The following SLC12A1 variants were observed in gnomAD, a reference collection of about 807,000 sequenced individuals.
SLC12A1 encodes Na-K-2Cl cotransporter.
Under a neutral mutation model 130.4 loss-of-function variants are expected in SLC12A1, and 89 were observed. The ratio of observed to expected loss-of-function variants is 0.68; its 90% confidence interval spans 0.58 to 0.81. The LOEUF is 0.81. Among genes scored for constraint, SLC12A1 ranks in the 40% least tolerant of loss-of-function variants. The pLI, the probability that SLC12A1 is intolerant of heterozygous loss-of-function variation, is 0.00. For synonymous variants in SLC12A1, 499 were observed against 460.0 expected (o/e 1.08, Z -1.09); for missense variants, 1,310 against 1,336.4 (o/e 0.98, Z 0.31).
intron 26 of SLC12A1, among the ~76,000 whole-genome samples, chr15:48,302,014 C>G (rs1007355208): frequency 1.3e-5 from 2 of 152,086 alleles, no homozygotes; most frequent in Admixed American, 1.3e-4. Flanking sequence ...GTAGACTGGA[C>G]AACTATCCAT....
At chr15:48,301,576 C>A (rs551767293) in intron 26 of SLC12A1, among the ~76,000 whole-genome samples, 194 bp downstream of exon 26, 2 of 151,684 alleles carry the variant, frequency 1.3e-5, no homozygotes, top group Non-Finnish European at 2.9e-5. Context: ...ACCCCTCAGG[C>A]CCATGAGCAT....
In SLC12A1 at chr15:48,288,061, G is replaced by T; in HGVS notation, c.2648G>T (p.Ser883Ile). 2.5e-6 allele frequency: 4 copies of T among 1,611,016 alleles called. No individual in the cohort carries two copies. The highest frequency in any genetic ancestry group is 3.4e-6 in the Non-Finnish European group (4 of 1,178,666). Reference protein sequence around the residue: ...TPKKDGSINTSQSMHVGEFNQ... With the variant: ...TPKKDGSINTIQSMHVGEFNQ... ...GTTTCAGATGGCAGCATTAACACAA[G>T]CCAGTCGATGCATGTGGGAGAGTTC... The change falls in exon 22 of 27, where the codon AGC becomes ATC. Residue 883 changes from serine (S) to isoleucine (I), a missense_variant. Physicochemically the swap from Ser to Ile is moderately radical, Grantham distance 142. Coordinates refer to ENST00000380993, the MANE Select transcript of SLC12A1 (RefSeq NM_000338.3).
At position 48,259,305 on chromosome 15, in the gene SLC12A1, C is replaced by G. The variant is rs1597435630; in HGVS notation, c.2148C>G (p.Val716=). 6.2e-7 allele frequency: 1 copy of G among 1,608,194 alleles called. No individual in the cohort carries two copies. Among genetic ancestry groups the G allele is most frequent in the Non-Finnish European group, 8.5e-7 (1 of 1,174,618 alleles). ...GTGGCCTTTGCATCTGCTGTGAAGT[C>G]TTTGTGGTAAGAGCCACTTCACCCC... ...KNSGLCICCE[V]FVGPRKLCVK... The change falls in exon 17 of 27, where the codon GTC becomes GTG. Residue 716 remains valine (V), a synonymous_variant. Transcript: ENST00000380993.
chr15:48,297,007 A>G (rs1332760214), intron 24 of SLC12A1, among the ~76,000 whole-genome samples: 1 of 152,232 alleles, frequency 6.6e-6, no homozygotes, highest in African/African-American at 2.4e-5. Flanking sequence ...ACAGTGATTT[A>G]GACAATAGGA....
At chr15:48,222,017 T>G (rs888013197) in intron 4 of SLC12A1, among the ~76,000 whole-genome samples, 13 of 152,180 alleles carry the variant, frequency 8.5e-5, no homozygotes. Flanking sequence ...GTTCCCATAG[T>G]TTTTCCATGT....
intron 16 of SLC12A1, among the ~76,000 whole-genome samples, chr15:48,258,528 A>T (rs1364037379): frequency 6.6e-6 from 1 of 152,154 alleles, no homozygotes; most frequent in Non-Finnish European, 1.5e-5. Flanking sequence ...ACTTTTACGC[A>T]TCTTCCTTTC....
rs1340041894 is a variant in SLC12A1, at chr15:48,249,733, A to T, written c.1786+57A>T. ...AGCAAACAGTTAGTTTGTCTCAATA[A>T]AACGAAATAAATCAGTGAAAAGTGT... is the stretch of plus-strand genomic sequence containing the variant. On this transcript the variant is annotated intron_variant, in intron 14 of 26. Coordinates refer to ENST00000380993, the MANE Select transcript of SLC12A1 (RefSeq NM_000338.3). 9.0e-6 allele frequency: 11 copies of T among 1,228,360 alleles called. No individual in the cohort carries two copies. The African/African-American group carries it at 1.3e-4, about 15-fold the overall frequency. 76.1% of individuals were successfully genotyped at this position (1,228,360 alleles called of 1,614,324 possible). A position where few individuals can be genotyped will look rare whatever the true frequency, so the allele number is the denominator to read the frequency against.
intron 11 of SLC12A1, among the ~76,000 whole-genome samples, chr15:48,245,480 C>T (rs2041566845): frequency 6.6e-6 from 1 of 152,154 alleles, no homozygotes; most frequent in Non-Finnish European, 1.5e-5. Flanking sequence ...TTCATGAGTA[C>T]TCAATGTTTA....
In SLC12A1 at chr15:48,220,706, G is replaced by A; in HGVS notation, c.493G>A (p.Glu165Lys). Reference sequence around the variant, plus strand: ...TGGGATACCTGGAGATGAACAAGCTGAAAATAAGGAAGATGATCAAGCTGG... The same window carrying A: ...TGGGATACCTGGAGATGAACAAGCTAAAAATAAGGAAGATGATCAAGCTGG... Reference protein sequence around the residue: ...GDGIPGDEQAENKEDDQAGVV... With the variant: ...GDGIPGDEQAKNKEDDQAGVV... Residue 165 changes from glutamate to lysine, a missense_variant, in exon 3 of 27, where the codon GAA (glutamate) becomes AAA (lysine). Physicochemically the swap from Glu to Lys is moderately conservative, Grantham distance 56. Coordinates refer to ENST00000380993, the MANE Select transcript of SLC12A1 (RefSeq NM_000338.3). 1 of 1,613,870 alleles carries A rather than the reference G, an allele frequency of 6.2e-7. No individual in the cohort carries two copies. The highest frequency in any genetic ancestry group is 2.2e-5 in the East Asian group (1 of 44,866).
intron 17 of SLC12A1, among the ~76,000 whole-genome samples, chr15:48,260,475 G>A (rs1300645836): frequency 6.6e-6 from 1 of 151,754 alleles, no homozygotes; most frequent in Non-Finnish European, 1.5e-5. Flanking sequence ...TTTTTCTACA[G>A]TTTTTCTTAT....
rs1225050724 is a variant in SLC12A1, at chr15:48,303,911, C to T, written c.*1026C>T. 6.6e-6 allele frequency: 1 copy of T among 152,002 alleles called. No homozygotes were observed. Among genetic ancestry groups the T allele is most frequent in the African/African-American group, 2.4e-5 (1 of 41,394 alleles). 9.4% of individuals were successfully genotyped at this position (152,002 alleles called of 1,614,324 possible). A position where few individuals can be genotyped will look rare whatever the true frequency, so the allele number is the denominator to read the frequency against. ...GGAATATACAGATACTGATTTTTTT[C>T]ATTTTTGTTAGTATACCTATAATAC... On this transcript the variant is annotated 3_prime_UTR_variant, in exon 27 of 27. Transcript: ENST00000380993.
At chr15:48,216,762 C>G (rs957735638) in intron 2 of SLC12A1, among the ~76,000 whole-genome samples, 4 of 152,062 alleles carry the variant, frequency 2.6e-5, no homozygotes, top group Admixed American at 1.3e-4. Context: ...TCCTCAATTC[C>G]CTGCTCTCAT....
chr15:48,292,846 A>G (rs2042135428), intron 24 of SLC12A1, among the ~76,000 whole-genome samples: 1 of 152,204 alleles, frequency 6.6e-6, no homozygotes, highest in African/African-American at 2.4e-5. Flanking sequence ...CCTGGAAGTT[A>G]GGGCTTCGAC....
chr15:48,284,072 C>A (rs545811468), intron 20 of SLC12A1, among the ~76,000 whole-genome samples: 2 of 152,298 alleles, frequency 1.3e-5, no homozygotes, highest in South Asian at 2.1e-4. Flanking sequence ...TGTGTCTCAA[C>A]CTTGGGCAGG....
chr15:48,212,264 T>C (rs1254427580), intron 2 of SLC12A1, among the ~76,000 whole-genome samples: 2 of 152,186 alleles, frequency 1.3e-5, no homozygotes, highest in African/African-American at 2.4e-5. Flanking sequence ...TCAGTTATTC[T>C]CTCCAGGACA....
At chr15:48,211,722 A>G (rs939893896) in intron 2 of SLC12A1, among the ~76,000 whole-genome samples, 1 of 152,160 alleles carries the variant, frequency 6.6e-6, no homozygotes, top group Non-Finnish European at 1.5e-5. Flanking sequence ...TTTTGCGTAA[A>G]TTTTGGTTAT....
Position 48,244,799 on chromosome 15 carries a change from C to G in SLC12A1, c.1347C>G (p.Ile449Met). ...CCACCGGGAACATGAATGACACCAT[C>G]ATTTCTGGGATGAACTGCAATGGTT... ...RDATGNMNDT[I>M]ISGMNCNGSA... The change falls in exon 11 of 27, where the codon ATC becomes ATG. Residue 449 changes from isoleucine (I) to methionine (M), a missense_variant. Coordinates refer to ENST00000380993, the MANE Select transcript of SLC12A1 (RefSeq NM_000338.3). The G allele has an allele frequency of 6.2e-7, 1 of 1,613,954 alleles. No individual in the cohort carries two copies. Among genetic ancestry groups the G allele is most frequent in the Non-Finnish European group, 8.5e-7 (1 of 1,179,876 alleles).
At chr15:48,234,841 G>A (rs1394414302) in intron 8 of SLC12A1, 36 bp from the exon 9 acceptor site, 1 of 1,607,450 alleles carries the variant, frequency 6.2e-7, no homozygotes, top group Non-Finnish European at 8.5e-7. Flanking sequence ...TGTGAAAAAT[G>A]TCTACATCAT....
chr15:48,257,851 C>G (rs562313752), intron 16 of SLC12A1, among the ~76,000 whole-genome samples: 3 of 152,326 alleles, frequency 2.0e-5, no homozygotes, highest in Non-Finnish European at 4.4e-5. Flanking sequence ...TCCTTGTTAC[C>G]TATGCAAATT....
Sources: gnomAD v4.1 joint callset for allele counts (sites outside exome capture counted in the v4.1 genomes callset) on GRCh38, gnomAD v4.1.1 for gene constraint, MANE v1.5 for transcripts, NCBI Gene and HGNC (gene_info 2026-07-23, HGNC 2026-07-21) for gene names.